The following OPLAH variants were observed in gnomAD, a reference collection of about 807,000 sequenced individuals.
The protein encoded by OPLAH is 5-oxoprolinase.
Under a neutral mutation model 122.8 loss-of-function variants are expected in OPLAH, and 103 were observed. The ratio of observed to expected loss-of-function variants is 0.84; its 90% confidence interval spans 0.71 to 0.99. The LOEUF (loss-of-function observed/expected upper bound fraction) is 0.99, where lower values mean the gene tolerates loss of function less well. Among genes scored for constraint, OPLAH ranks in the 50% least tolerant of loss-of-function variants. The pLI, the probability that OPLAH is intolerant of heterozygous loss-of-function variation, is 0.00. For missense variants in OPLAH, 1,902 were observed against 1,836.5 expected, an observed-to-expected ratio of 1.04 and a Z score of -0.65; for synonymous variants, 875 against 796.0, an observed-to-expected ratio of 1.10 and a Z score of -1.67.
In OPLAH at chr8:144,055,982, C is replaced by T. The variant is rs534301039; in HGVS notation, c.2097-43G>A. ...CAGAGGGCTGCATGGGGCCAGGCGA[C>T]ACCCCTCCAACCAGAGATGCCACGG... On this transcript the variant is annotated intron_variant, in intron 15 of 26. Transcript: ENST00000618853. This position sits in a 1 kb window ranked among gnomAD's most constrained non-coding sequence, Gnocchi z 6.5. The T allele has an allele frequency of 8.5e-5, 128 of 1,513,330 alleles. 2 individuals are homozygous for T. In the East Asian group the frequency reaches 2.9e-3, roughly 34 times the overall value. The allele number at this position is 1,513,330 out of a possible 1,614,324, so 93.7% of individuals were successfully genotyped here.
In OPLAH at chr8:144,055,195, A is replaced by G; in HGVS notation, c.2249-6T>C. 1 of 1,512,252 alleles carries G rather than the reference A, an allele frequency of 6.6e-7. No homozygotes were observed. The highest frequency in any genetic ancestry group is 8.8e-7 in the Non-Finnish European group (1 of 1,132,026). The allele number at this position is 1,512,252 out of a possible 1,614,324, so 93.7% of individuals were successfully genotyped here. On this transcript the variant is annotated splice_polypyrimidine_tract_variant and splice_region_variant and intron_variant, in intron 16 of 26. Transcript: ENST00000618853. The surrounding 1 kb of genome is among the most constrained non-coding windows in gnomAD (Gnocchi z 6.5). ...CAGGATGCGGCCCATCTGCTCTAGG[A>G]GCACAAAGTGACCAGGCCCGCTGGC...
At chr8:144,062,634 C>G (rs1835681362), upstream of OPLAH, among the ~76,000 whole-genome samples, 1 of 152,162 alleles carries the variant, frequency 6.6e-6, no homozygotes, top group African/African-American at 2.4e-5. Context: ...AGCCCAGGAT[C>G]TATCAGGAGA....
Position 144,052,997 on chromosome 8 carries a change from T to C in OPLAH, c.3004A>G (p.Ile1002Val). The C allele has an allele frequency of 6.2e-7, 1 of 1,601,454 alleles. No individual in the cohort carries two copies. The highest frequency in any genetic ancestry group is 8.5e-7 in the Non-Finnish European group (1 of 1,174,700). The change falls in exon 21 of 27, where the codon ATC becomes GTC. Residue 1002 changes from isoleucine to valine, a missense_variant. Physicochemically the swap from Ile to Val is conservative, Grantham distance 29 (BLOSUM62 3). Transcript: ENST00000618853. The stretch of plus-strand genomic sequence containing the variant: ...CCACGGCCCACCTGACTCAGGCTGA[T>C]CTGCACACGGAGGCGGATGGGGGAA... ...DGSPIRLRVQISLSQGSAVFD... is the reference protein window; with the variant it reads ...DGSPIRLRVQVSLSQGSAVFD...
At chr8:144,060,217 C>G in intron 1 of OPLAH, 132 bp from the exon 2 acceptor site, 2 of 690,390 alleles carry the variant, frequency 2.9e-6, no homozygotes, top group South Asian at 1.9e-5. Flanking sequence ...GCCGCAGGCC[C>G]AGCTCCGAGG....
rs1835392530 is a variant in OPLAH, at chr8:144,052,063, G to A, written c.3475C>T (p.Leu1159=). Residue 1159 remains leucine (L), a synonymous_variant, in exon 25 of 27, where the codon CTG becomes TTG. Transcript: ENST00000618853. ...EILESRYPVI[L]RRFELRRGSG... is the part of the protein sequence containing the mutation. The stretch of plus-strand genomic sequence containing the variant: ...CCCCGCCGCAGCTCGAAGCGGCGCA[G>A]GATGACCGGGTACCTGCGAGGGCGA... 6.3e-7 allele frequency: 1 copy of A among 1,585,594 alleles called. No individual in the cohort carries two copies. The highest frequency in any genetic ancestry group is 8.5e-7 in the Non-Finnish European group (1 of 1,173,428).
chr8:144,052,706 G>T, intron 22 of OPLAH, 60 bp downstream of exon 22: 1 of 1,543,618 alleles, frequency 6.5e-7, no homozygotes, highest in Non-Finnish European at 8.8e-7. Context: ...CTGGGCCCAG[G>T]AGGCGCACTC....
At position 144,059,768 on chromosome 8, in the gene OPLAH, C is replaced by T. The variant is rs781859755; in HGVS notation, c.194G>A (p.Arg65Gln). The change falls in exon 3 of 27, where the codon CGG becomes CAG. Residue 65 changes from arginine (R) to glutamine (Q), a missense_variant. This residue lies in a region of OPLAH where 168 missense variants were observed against 170.6 expected (regional missense o/e 0.98). Transcript: ENST00000618853. The stretch of plus-strand genomic sequence containing the variant: ...ATGACTGGAGTCCAGCGGCTGGTCC[C>T]GGGGCAGGAGCATGCCGGCCTCCTG... ...LEQEAGMLLP[R>Q]DQPLDSSHIA... 1.1e-5 allele frequency: 18 copies of T among 1,608,594 alleles called. No individual in the cohort carries two copies. The highest frequency in any genetic ancestry group is 7.7e-5 in the South Asian group (7 of 91,014).
chr8:144,061,886 G>GGCAC (rs1835669620), upstream of OPLAH, among the ~76,000 whole-genome samples: 1 of 151,922 alleles, frequency 6.6e-6, no homozygotes, highest in Non-Finnish European at 1.5e-5. Context: ...TGGGCGTGGT[G>GGCAC]GCACGCACTT....
chr8:144,056,864 C>A, intron 12 of OPLAH, 84 bp downstream of exon 12: 1 of 1,516,460 alleles, frequency 6.6e-7, no homozygotes. Context: ...CCGGGACCAC[C>A]TGGGAAGTCA....
intron 17 of OPLAH, 22 bp from the exon 18 acceptor site, chr8:144,054,935 AG>A: frequency 7.5e-7 from 1 of 1,331,450 alleles, no homozygotes; most frequent in Non-Finnish European, 1.0e-6. Flanking sequence ...AGATGGGTGC[AG>A]AGTGGGCACA....
Position 144,060,170 on chromosome 8 carries a change from G to A in OPLAH, c.-53-85C>T, listed in dbSNP as rs912337445. 7.1e-6 allele frequency: 7 copies of A among 984,918 alleles called. No individual in the cohort carries two copies. The East Asian group carries it at 1.3e-4, about 19-fold the overall frequency. 61.0% of individuals were successfully genotyped at this position (984,918 alleles called of 1,614,324 possible). ...CCTGCGCATGCGGGGGGTTCCTGAG[G>A]GAGAGACCCACGGGCACGACTCTGG... On this transcript the variant is annotated intron_variant, in intron 1 of 26. Transcript: ENST00000618853.
chr8:144,050,866 G>C (rs1835356060), downstream of OPLAH: 1 of 992,894 alleles, frequency 1.0e-6, no homozygotes, highest in Admixed American at 5.8e-5. Flanking sequence ...GCGGTGAGTT[G>C]CGACCTGGAT....
chr8:144,057,832 G>T, intron 9 of OPLAH, 24 bp downstream of exon 9: 1 of 1,607,554 alleles, frequency 6.2e-7, no homozygotes, highest in East Asian at 2.2e-5. Flanking sequence ...GGCAAGGCCA[G>T]GCCGGCCAGA....
upstream of OPLAH, among the ~76,000 whole-genome samples, chr8:144,061,346 C>T (rs541963105): frequency 1.3e-5 from 2 of 152,270 alleles, no homozygotes; most frequent in South Asian, 4.1e-4. Flanking sequence ...GTTGAAACCC[C>T]CTCGCTACTA....
chr8:144,061,621 C>T (rs1276206555), upstream of OPLAH, among the ~76,000 whole-genome samples: 4 of 152,224 alleles, frequency 2.6e-5, no homozygotes, highest in African/African-American at 9.6e-5. Context: ...AGCGCCATGG[C>T]GGTTTACCAG....
chr8:144,059,325 C>A (rs1387198364), intron 3 of OPLAH, among the ~76,000 whole-genome samples: 4 of 152,206 alleles, frequency 2.6e-5, no homozygotes, highest in African/African-American at 9.7e-5. Flanking sequence ...GCAGTAGGTG[C>A]GGGGTTCCAC....
rs1835489353 is a variant in OPLAH at position 144,055,463 on chromosome 8, G to T, written c.2249-274C>A. On this transcript the variant is annotated intron_variant, in intron 16 of 26. Coordinates refer to ENST00000618853, the MANE Select transcript of OPLAH (RefSeq NM_017570.5). The surrounding 1 kb of genome is among the most constrained non-coding windows in gnomAD (Gnocchi z 6.5). ...CCCTGCCTGGCACAGCAAGAACCTG[G>T]TTCCTAGGCTCTTGACCTCTGGGCT... Among the ~76,000 whole-genome samples, 1 of 152,012 alleles carries T rather than the reference G, an allele frequency of 6.6e-6. No homozygotes were observed. Among genetic ancestry groups the T allele is most frequent in the South Asian group, 2.1e-4 (1 of 4,828 alleles).
chr8:144,058,568 G>C lies in OPLAH; in HGVS notation c.711C>G (p.Ala237=), dbSNP rs376000019. ...RIVPRGHTAC[A]DAYLTPAIQR... The stretch of plus-strand genomic sequence containing the variant: ...GGATGGCGGGCGTGAGGTAGGCGTC[G>C]GCACAGGCCGTGTGCCCCCGAGGGA... Residue 237 remains alanine, a synonymous_variant, in exon 6 of 27, where the codon GCC becomes GCG. Transcript: ENST00000618853. The C allele has an allele frequency of 1.9e-6, 3 of 1,601,482 alleles. No homozygotes were observed. The highest frequency in any genetic ancestry group is 2.2e-5 in the East Asian group (1 of 44,864).
At chr8:144,063,194 C>T (rs1835690707), upstream of OPLAH, among the ~76,000 whole-genome samples, 1 of 152,216 alleles carries the variant, frequency 6.6e-6, no homozygotes, top group Non-Finnish European at 1.5e-5. The surrounding 1 kb of genome is among the most constrained non-coding windows in gnomAD (Gnocchi z 4.2). Flanking sequence ...AACCAAGCCC[C>T]AGGCCACCTA....
Sources: allele counts gnomAD v4.1 joint callset (sites outside exome capture counted in the v4.1 genomes callset), GRCh38; gene constraint gnomAD v4.1.1; regional missense constraint gnomAD v4.1.1; non-coding constraint Gnocchi (gnomAD v3.1); transcripts MANE v1.5; gene names NCBI Gene and HGNC (gene_info 2026-07-23, HGNC 2026-07-21).